Variants in PRKCE observed in about 807,000 individuals in gnomAD.
PRKCE encodes the protein protein kinase C epsilon, also known as protein kinase C epsilon type.
In PRKCE, 16 loss-of-function variants were observed where a neutral mutation model predicts 85.4. The observed-to-expected ratio is 0.19, with a 90% CI of 0.13 to 0.28. The LOEUF is 0.28. Among genes scored for constraint, PRKCE ranks in the 10% least tolerant of loss-of-function variants. The probability of loss-of-function intolerance (pLI) is 1.00; values close to 1 mark genes in which losing one functional copy is unlikely to be tolerated. For synonymous variants in PRKCE, 388 were observed against 371.5 expected (o/e 1.04, Z -0.51); for missense variants, 573 against 975.2 (o/e 0.59, Z 5.49).
At chr2:45,745,736 G>C (rs183976998) in intron 1 of PRKCE, among the ~76,000 whole-genome samples, 1 of 152,188 alleles carries the variant, frequency 6.6e-6, no homozygotes, top group Non-Finnish European at 1.5e-5. Flanking sequence ...GGGATAATAC[G>C]TGTGGACCAG....
intron 2 of PRKCE, among the ~76,000 whole-genome samples, chr2:45,963,070 A>C (rs2104435609): frequency 6.6e-6 from 1 of 152,206 alleles, no homozygotes; most frequent in East Asian, 1.9e-4. Context: ...CACCTATATG[A>C]AGCTTCCTAA....
At chr2:45,912,099 C>T (rs189934792) in intron 2 of PRKCE, among the ~76,000 whole-genome samples, 1 of 152,166 alleles carries the variant, frequency 6.6e-6, no homozygotes, top group East Asian at 1.9e-4. Context: ...TCTAGTGTAG[C>T]AGTCATAGCT....
chr2:46,152,825 G>A (rs896455449), intron 13 of PRKCE, among the ~76,000 whole-genome samples: 3 of 152,160 alleles, frequency 2.0e-5, no homozygotes, highest in African/African-American at 7.2e-5. Context: ...GGGATTACAG[G>A]TGTGAGCCAC....
chr2:45,996,421 G>C (rs1431649930), intron 6 of PRKCE, among the ~76,000 whole-genome samples: 2 of 152,076 alleles, frequency 1.3e-5, no homozygotes, highest in Admixed American at 6.5e-5. Flanking sequence ...TGGTGAGAGG[G>C]AGCATCCTTT....
intron 10 of PRKCE, among the ~76,000 whole-genome samples, chr2:46,045,915 C>A (rs1252624449): frequency 6.6e-6 from 1 of 152,020 alleles, no homozygotes; most frequent in Admixed American, 6.6e-5. Flanking sequence ...GAAATTGAAG[C>A]ATGTTAGGCT....
chr2:46,029,256 GA>G (rs1707346613), intron 10 of PRKCE, among the ~76,000 whole-genome samples: 1 of 152,196 alleles, frequency 6.6e-6, no homozygotes, highest in African/African-American at 2.4e-5. Flanking sequence ...ACATAGTTAA[GA>G]AGTGGTAGAA....
intron 9 of PRKCE, 43 bp from the exon 10 acceptor site, chr2:46,010,301 T>A: frequency 6.6e-7 from 1 of 1,515,368 alleles, no homozygotes; most frequent in Non-Finnish European, 8.8e-7. Context: ...TTCTTTTTAT[T>A]CCATACATGC....
chr2:45,838,327 G>C (rs1387435911), intron 1 of PRKCE, among the ~76,000 whole-genome samples: 3 of 152,222 alleles, frequency 2.0e-5, no homozygotes, highest in East Asian at 1.9e-4. Flanking sequence ...CCTCTCCTCT[G>C]TGCCCCAGGC....
chr2:46,097,519 CAAAAA>C (rs66634467), intron 11 of PRKCE, among the ~76,000 whole-genome samples: 1 of 94,122 alleles, frequency 1.1e-5, no homozygotes, highest in Admixed American at 9.7e-5. Context: ...GACTCCGTCT[CAAAAA>C]AAAAAAAAAA....
intron 1 of PRKCE, among the ~76,000 whole-genome samples, chr2:45,688,835 T>C (rs982947558): frequency 1.3e-5 from 2 of 152,274 alleles, no homozygotes; most frequent in Non-Finnish European, 2.9e-5. Context: ...CAAGTGCTCC[T>C]TGTCCTTGGA....
chr2:46,126,387 C>T (rs1673849414), intron 11 of PRKCE, among the ~76,000 whole-genome samples: 1 of 152,054 alleles, frequency 6.6e-6, no homozygotes, highest in Non-Finnish European at 1.5e-5. Context: ...ATATACTACA[C>T]CAGAGGAGGT....
In PRKCE at chr2:45,691,832, C is replaced by T. The variant is rs1023389395; in HGVS notation, c.348+39384C>T. On this transcript the variant is annotated intron_variant, in intron 1 of 14. Coordinates refer to ENST00000306156, the MANE Select transcript of PRKCE (RefSeq NM_005400.3). ...TGTAGCGGACACCTGCAGGCCCAGC[C>T]AACTGCTTTGCCAGCATTTCCATGA... 2.0e-5 allele frequency among the ~76,000 whole-genome samples: 3 copies of T among 152,166 alleles called. No homozygotes were observed. The South Asian group carries it at 6.2e-4, about 32-fold the overall frequency.
At chr2:45,885,002 T>TATATATTTTTTTTTTTTTG (rs1553440407) in intron 2 of PRKCE, among the ~76,000 whole-genome samples, 1 of 97,642 alleles carries the variant, frequency 1.0e-5, no homozygotes, top group East Asian at 2.9e-4. Context: ...TATATATATA[T>TATATATTTTTTTTTTTTTG]TTGTTGTTGT....
chr2:46,074,537 A>G (rs1316412645), intron 10 of PRKCE, among the ~76,000 whole-genome samples: 1 of 152,034 alleles, frequency 6.6e-6, no homozygotes, highest in Non-Finnish European at 1.5e-5. Flanking sequence ...GACCTACCCC[A>G]GGACTGCAGG....
At chr2:45,848,979 C>T (rs1213032869) in intron 2 of PRKCE, among the ~76,000 whole-genome samples, 1 of 152,118 alleles carries the variant, frequency 6.6e-6, no homozygotes, top group African/African-American at 2.4e-5. Flanking sequence ...GGAATCATGT[C>T]ATCATTATCA....
chr2:45,808,807 T>C (rs1248401421), intron 1 of PRKCE, among the ~76,000 whole-genome samples: 1 of 152,184 alleles, frequency 6.6e-6, no homozygotes, highest in Non-Finnish European at 1.5e-5. Context: ...CCTTGCTCAG[T>C]GAGACTACCA....
At chr2:46,022,120 C>T (rs570942295) in intron 10 of PRKCE, among the ~76,000 whole-genome samples, 7 of 152,292 alleles carry the variant, frequency 4.6e-5, no homozygotes, top group South Asian at 4.1e-4. Flanking sequence ...GCCCTGTTGA[C>T]GTGTGGGAAA....
At chr2:46,077,985 A>AAAT (rs1360577455) in intron 10 of PRKCE, 2 of 152,212 alleles carry the variant, frequency 1.3e-5, no homozygotes, top group African/African-American at 4.8e-5. Flanking sequence ...TAACATTCAG[A>AAAT]AATGGGGAAA....
intron 1 of PRKCE, among the ~76,000 whole-genome samples, chr2:45,825,971 C>T (rs901305891): frequency 6.6e-6 from 1 of 152,106 alleles, no homozygotes; most frequent in Non-Finnish European, 1.5e-5. Context: ...TTTGCCATCT[C>T]TTTAGAAGAT....
Sources: gnomAD v4.1 joint callset for allele counts (sites outside exome capture counted in the v4.1 genomes callset) on GRCh38, gnomAD v4.1.1 for gene constraint, MANE v1.5 for transcripts, NCBI Gene and HGNC (gene_info 2026-07-23, HGNC 2026-07-21) for gene names.